The following GSPT1 variants were observed in gnomAD, a reference collection of about 807,000 sequenced individuals.
GSPT1 encodes G1 to S phase transition 1.
GSPT1 carries 20 observed loss-of-function variants against 72.5 expected under a neutral mutation model. The ratio of observed to expected loss-of-function variants is 0.28; its 90% confidence interval spans 0.19 to 0.40. The LOEUF is 0.40. Among genes scored for constraint, GSPT1 ranks in the 10% least tolerant of loss-of-function variants. GSPT1 has a pLI of 1.00. For synonymous variants in GSPT1, 334 were observed against 293.5 expected (o/e 1.14, Z -1.41); for missense variants, 580 against 811.9 (o/e 0.71, Z 3.47).
At chr16:11,912,554 T>C (rs2150894815) in intron 1 of GSPT1, among the ~76,000 whole-genome samples, 2 of 152,322 alleles carry the variant, frequency 1.3e-5, no homozygotes, top group South Asian at 4.1e-4. Context: ...CAGTGAGTTC[T>C]GAGAAGCATT....
intron 3 of GSPT1, 107 bp downstream of exon 3, chr16:11,897,733 T>A (rs1248192217): frequency 2.9e-6 from 2 of 687,624 alleles, no homozygotes; most frequent in Middle Eastern, 3.8e-4. Context: ...ACTCAATGTG[T>A]CTTAAATGTA....
intron 14 of GSPT1, among the ~76,000 whole-genome samples, chr16:11,873,579 G>A (rs1318200697): frequency 6.6e-6 from 1 of 151,978 alleles, no homozygotes; most frequent in African/African-American, 2.4e-5. Context: ...CCAAAGTGCT[G>A]GGATTACAGG....
chr16:11,897,722 G>C (rs1187219831), intron 3 of GSPT1, 118 bp downstream of exon 3: 2 of 659,130 alleles, frequency 3.0e-6, no homozygotes, highest in African/African-American at 1.8e-5. Context: ...TAATAGCAAA[G>C]ACTCAATGTG....
rs760521376 is a variant in GSPT1 at position 11,883,107 on chromosome 16, T to A, written c.1348-12A>T. On this transcript the variant is annotated splice_polypyrimidine_tract_variant and intron_variant, in intron 10 of 14. Transcript: ENST00000434724. ...ACAGTGCCCATATCCTGATCAAATG[T>A]AAAATAAAATCCAGTTTCAGACTTC... 1 of 1,562,250 alleles carries A rather than the reference T, an allele frequency of 6.4e-7. No homozygotes were observed. Among genetic ancestry groups the A allele is most frequent in the Non-Finnish European group, 8.8e-7 (1 of 1,132,988 alleles).
At chr16:11,889,000 G>C (rs1408322677) in intron 6 of GSPT1, among the ~76,000 whole-genome samples, 1 of 152,004 alleles carries the variant, frequency 6.6e-6, no homozygotes, top group Non-Finnish European at 1.5e-5. Flanking sequence ...TGTCTTGAGA[G>C]TTAAAGGGTA....
chr16:11,916,366 C>G (rs967012291), upstream of GSPT1, among the ~76,000 whole-genome samples: 2 of 152,226 alleles, frequency 1.3e-5, no homozygotes, highest in African/African-American at 4.8e-5. Flanking sequence ...TCCACTCTGG[C>G]CTGCTGGACA....
At chr16:11,909,728 C>A (rs1386606015) in intron 1 of GSPT1, among the ~76,000 whole-genome samples, 1 of 152,096 alleles carries the variant, frequency 6.6e-6, no homozygotes, top group Non-Finnish European at 1.5e-5. Context: ...AGTTCGAGAC[C>A]AGCCTGGGCA....
intron 5 of GSPT1, among the ~76,000 whole-genome samples, chr16:11,891,498 A>T (rs2054260710): frequency 6.6e-6 from 1 of 151,156 alleles, no homozygotes; most frequent in Non-Finnish European, 1.5e-5. Context: ...AGTAGCTGGG[A>T]TTACAGGCAC....
At chr16:11,881,306 A>G (rs1208175176) in intron 11 of GSPT1, 1 of 152,204 alleles carries the variant, frequency 6.6e-6, no homozygotes, top group Admixed American at 6.5e-5. Flanking sequence ...ATACCTGCCT[A>G]GTGATTAGTA....
chr16:11,873,402 G>A (rs1051194810), intron 14 of GSPT1, among the ~76,000 whole-genome samples: 12 of 151,790 alleles, frequency 7.9e-5, no homozygotes, highest in East Asian at 1.9e-4. Flanking sequence ...ATCTCCCCCC[G>A]TACCCCCCAA....
At chr16:11,880,287 G>A (rs867347659) in intron 11 of GSPT1, 1 of 152,116 alleles carries the variant, frequency 6.6e-6, no homozygotes, top group Non-Finnish European at 1.5e-5. Flanking sequence ...AATAATACAT[G>A]TATGAACATG....
At position 11,869,885 on chromosome 16, in the gene GSPT1, A is replaced by G. The variant is rs1427577612; in HGVS notation, c.*3234T>C. 6.6e-6 allele frequency: 1 copy of G among 152,182 alleles called. No homozygotes were observed. The highest frequency in any genetic ancestry group is 1.5e-5 in the Non-Finnish European group (1 of 68,038). The allele number at this position is 152,182 out of a possible 1,614,324, so 9.4% of individuals were successfully genotyped here. ...AGGTTCAACTTTTTTCTTGGGTTGC[A>G]AAACTGCATCTGGCTGCAAGTCTAA... On this transcript the variant is annotated 3_prime_UTR_variant, in exon 15 of 15. Coordinates refer to ENST00000434724, the MANE Select transcript of GSPT1 (RefSeq NM_002094.4).
At chr16:11,875,282 C>T (rs755445895) in intron 14 of GSPT1, among the ~76,000 whole-genome samples, 1 of 152,080 alleles carries the variant, frequency 6.6e-6, no homozygotes, top group Non-Finnish European at 1.5e-5. Flanking sequence ...CGTTTCATAA[C>T]AATCATTTTG....
intron 9 of GSPT1, 62 bp from the exon 10 acceptor site, chr16:11,885,336 C>T: frequency 1.3e-6 from 1 of 793,658 alleles, no homozygotes; most frequent in Non-Finnish European, 2.2e-6. Context: ...TGTTAAGTTA[C>T]ATGACTATAA....
chr16:11,912,357 A>C (rs990404003), intron 1 of GSPT1, among the ~76,000 whole-genome samples: 227 of 152,108 alleles, frequency 1.5e-3, no homozygotes, highest in African/African-American at 4.6e-3. Context: ...CAAAAAAAAA[A>C]AAAAACAAAA....
intron 10 of GSPT1, 123 bp from the exon 11 acceptor site, chr16:11,883,218 CT>C: frequency 1.6e-6 from 1 of 643,366 alleles, no homozygotes; most frequent in Non-Finnish European, 2.8e-6. Flanking sequence ...AAGTAGAAGG[CT>C]TAGGTTCATC....
Position 11,896,668 on chromosome 16 carries a change from G to A in GSPT1, c.554C>T (p.Ala185Val). The change falls in exon 4 of 15, where the codon GCC becomes GTC. Residue 185 changes from alanine (A) to valine (V), a missense_variant. Physicochemically the swap from Ala to Val is moderately conservative, Grantham distance 64. Coordinates refer to ENST00000434724, the MANE Select transcript of GSPT1 (RefSeq NM_002094.4). The part of the protein sequence containing the change: ...LGDGRPPEES[A>V]HEMMEEEEEI... ...CTCTTCCTCCTCCATCATTTCATGG[G>A]CACTTTCCTCTGGCGGCCTTCCATC... 2 of 1,608,466 alleles carry A rather than the reference G, an allele frequency of 1.2e-6. No individual in the cohort carries two copies. The highest frequency in any genetic ancestry group is 1.7e-6 in the Non-Finnish European group (2 of 1,177,130).
intron 1 of GSPT1, chr16:11,914,867 A>C: frequency 1.9e-6 from 1 of 530,930 alleles, no homozygotes; most frequent in Non-Finnish European, 3.2e-6. Context: ...GGACAGTTTA[A>C]ACCGTAATTA....
intron 11 of GSPT1, among the ~76,000 whole-genome samples, chr16:11,879,280 A>G (rs781257701): frequency 1.3e-5 from 2 of 151,600 alleles, no homozygotes; most frequent in African/African-American, 2.4e-5. Context: ...CTGTAATCCC[A>G]GCTACTCGGG....
Sources: gnomAD v4.1 joint callset for allele counts (sites outside exome capture counted in the v4.1 genomes callset) on GRCh38, gnomAD v4.1.1 for gene constraint, MANE v1.5 for transcripts, NCBI Gene and HGNC (gene_info 2026-07-23, HGNC 2026-07-21) for gene names.